The following ANKS1B variants were observed in gnomAD, a reference collection of about 807,000 sequenced individuals.
The protein encoded by ANKS1B is ankyrin repeat and sterile alpha motif domain-containing protein 1B.
Under a neutral mutation model 148.3 loss-of-function variants are expected in ANKS1B, and 36 were observed. The ratio of observed to expected loss-of-function variants is 0.24; its 90% CI spans 0.19 to 0.32. ANKS1B has a LOEUF of 0.32. ANKS1B is among the 10% of genes least tolerant of loss of function. The pLI is 1.00. For synonymous variants in ANKS1B, 542 were observed against 560.8 expected (o/e 0.97, Z 0.47); for missense variants, 1,157 against 1,542.6 (o/e 0.75, Z 4.19).
intron 12 of ANKS1B, among the ~76,000 whole-genome samples, chr12:99,347,351 T>G (rs748996259): frequency 2.0e-5 from 3 of 151,920 alleles, no homozygotes; most frequent in Non-Finnish European, 4.4e-5. Context: ...TTCCCAGGTA[T>G]CTAGAAGGTC....
intron 8 of ANKS1B, among the ~76,000 whole-genome samples, chr12:99,733,834 T>C (rs1189515781): frequency 6.6e-6 from 1 of 152,220 alleles, no homozygotes; most frequent in Non-Finnish European, 1.5e-5. Context: ...CCACCTAACC[T>C]GCCCATCTTC....
chr12:98,944,054 C>T (rs2099841217), intron 17 of ANKS1B, among the ~76,000 whole-genome samples: 2 of 152,214 alleles, frequency 1.3e-5, no homozygotes, highest in African/African-American at 4.8e-5. Context: ...AATTCCAGCA[C>T]TCTGGGAGGC....
At chr12:99,562,047 T>C (rs1459654478) in intron 9 of ANKS1B, among the ~76,000 whole-genome samples, 1 of 152,212 alleles carries the variant, frequency 6.6e-6, no homozygotes, top group East Asian at 1.9e-4. Flanking sequence ...TTCGCACACA[T>C]AAAAACAACA....
intron 11 of ANKS1B, among the ~76,000 whole-genome samples, chr12:99,441,209 T>C (rs1003073125): frequency 1.3e-5 from 2 of 151,868 alleles, no homozygotes; most frequent in African/African-American, 4.8e-5. Flanking sequence ...GATTAAAATA[T>C]AGGCTTTTAT....
chr12:99,693,095 A>G (rs2053364841), intron 8 of ANKS1B, among the ~76,000 whole-genome samples: 1 of 152,226 alleles, frequency 6.6e-6, no homozygotes, highest in South Asian at 2.1e-4. Flanking sequence ...GAGTTTGCAA[A>G]GGAGACTTAA....
intron 8 of ANKS1B, among the ~76,000 whole-genome samples, chr12:99,767,511 T>C (rs1234366938): frequency 6.6e-6 from 1 of 152,134 alleles, no homozygotes; most frequent in Non-Finnish European, 1.5e-5. Flanking sequence ...CATTTAAGAA[T>C]TGTATAGATT....
intron 17 of ANKS1B, among the ~76,000 whole-genome samples, chr12:99,027,406 G>A (rs1219433692): frequency 6.6e-6 from 1 of 152,138 alleles, no homozygotes; most frequent in East Asian, 1.9e-4. Flanking sequence ...TTATCTGAGG[G>A]CCTACCATGT....
At chr12:99,965,600 G>C (rs1192889237) in intron 1 of ANKS1B, among the ~76,000 whole-genome samples, 2 of 152,174 alleles carry the variant, frequency 1.3e-5, no homozygotes, top group Admixed American at 6.5e-5. Flanking sequence ...GAAAAGAACA[G>C]AGCATCCCTC....
chr12:99,538,107 T>C (rs1471830017), intron 9 of ANKS1B, among the ~76,000 whole-genome samples: 1 of 152,122 alleles, frequency 6.6e-6, no homozygotes, highest in South Asian at 2.1e-4. Flanking sequence ...TTCTTTTCCA[T>C]TGGTCTATGT....
At position 99,733,084 on chromosome 12, in the gene ANKS1B, T is replaced by C. The variant is rs540692614; in HGVS notation, c.1128+39838A>G. On this transcript the variant is annotated intron_variant, in intron 8 of 26. Transcript: ENST00000683438. The stretch of plus-strand genomic sequence containing the variant: ...CTAACAAAGCTATAATAAACTGGGA[T>C]TTTTTTCAGCAAATGTTTGCTTCCC... Among the ~76,000 whole-genome samples the C allele has an allele frequency of 2.0e-4, 30 of 152,222 alleles. No individual in the cohort carries two copies. In the South Asian group the frequency reaches 3.1e-3, roughly 16 times the overall value.
chr12:99,554,131 A>G (rs2097252576), intron 9 of ANKS1B, among the ~76,000 whole-genome samples: 1 of 152,198 alleles, frequency 6.6e-6, no homozygotes, highest in Admixed American at 6.5e-5. Flanking sequence ...AATACAACCT[A>G]GCTGTGCCTA....
chr12:99,854,447 G>T (rs111929663), intron 1 of ANKS1B, among the ~76,000 whole-genome samples: 4 of 152,288 alleles, frequency 2.6e-5, no homozygotes, highest in African/African-American at 9.6e-5. Flanking sequence ...AGGAAGAAGA[G>T]AAATCTAAAA....
intron 9 of ANKS1B, among the ~76,000 whole-genome samples, chr12:99,593,530 T>C (rs1162226723): frequency 6.6e-6 from 1 of 152,074 alleles, no homozygotes; most frequent in Non-Finnish European, 1.5e-5. Context: ...TAATTTAATG[T>C]TAAGGTACAT....
At chr12:98,925,854 C>T (rs1164014518) in intron 17 of ANKS1B, among the ~76,000 whole-genome samples, 1 of 152,144 alleles carries the variant, frequency 6.6e-6, no homozygotes, top group Non-Finnish European at 1.5e-5. Flanking sequence ...TGACTTAAAG[C>T]TCATTTGGTG....
intron 17 of ANKS1B, among the ~76,000 whole-genome samples, chr12:98,930,536 G>A (rs1482724187): frequency 6.6e-6 from 1 of 152,056 alleles, no homozygotes; most frequent in Non-Finnish European, 1.5e-5. Context: ...CAATTCAAAT[G>A]TCCATGAAAT....
At chr12:98,754,030 T>C (rs1303107711) in intron 25 of ANKS1B, among the ~76,000 whole-genome samples, 1 of 152,172 alleles carries the variant, frequency 6.6e-6, no homozygotes, top group African/African-American at 2.4e-5. Flanking sequence ...GCCAGATCAA[T>C]TGTGATGGTC....
At chr12:99,678,474 T>G (rs1238094897) in intron 8 of ANKS1B, among the ~76,000 whole-genome samples, 1 of 152,100 alleles carries the variant, frequency 6.6e-6, no homozygotes, top group Non-Finnish European at 1.5e-5. Context: ...GGCTAACTTC[T>G]CCTACATAAC....
At chr12:98,864,141 T>C (rs1031962844) in intron 17 of ANKS1B, among the ~76,000 whole-genome samples, 1 of 152,118 alleles carries the variant, frequency 6.6e-6, no homozygotes, top group Non-Finnish European at 1.5e-5. Context: ...TTTTTTTTTT[T>C]TCATTTTTAA....
chr12:99,366,023 G>T (rs2092746347), intron 12 of ANKS1B, among the ~76,000 whole-genome samples: 1 of 152,178 alleles, frequency 6.6e-6, no homozygotes, highest in Non-Finnish European at 1.5e-5. Context: ...ACTGGACCTG[G>T]ATCTATTTGC....
Sources: gnomAD v4.1 joint callset for allele counts (sites outside exome capture counted in the v4.1 genomes callset) on GRCh38, gnomAD v4.1.1 for gene constraint, MANE v1.5 for transcripts, NCBI Gene and HGNC (gene_info 2026-07-23, HGNC 2026-07-21) for gene names.